The following EFCAB8 variants were observed in gnomAD, a reference collection of about 807,000 sequenced individuals.
The protein encoded by EFCAB8 is EF-hand calcium-binding domain-containing protein 8.
A neutral mutation model predicts 116.3 loss-of-function variants in EFCAB8; 100 were observed. That is an observed-to-expected ratio of 0.86 (90% confidence interval 0.73 to 1.02). The LOEUF is 1.02. Ranked by LOEUF, EFCAB8 falls within the 50% of genes least tolerant of loss-of-function variation. The pLI is 0.00. For synonymous variants in EFCAB8, 558 were observed against 567.9 expected (o/e 0.98, Z 0.25); for missense variants, 1,320 against 1,416.9 (o/e 0.93, Z 1.10).
rs1309850821 is a variant in EFCAB8, at chr20:32,876,017, C to G, written c.300C>G (p.Asp100Glu). 6.4e-7 allele frequency: 1 copy of G among 1,552,208 alleles called. No homozygotes were observed. The highest frequency in any genetic ancestry group is 1.4e-5 in the African/African-American group (1 of 73,176). Residue 100 changes from aspartate (D) to glutamate (E), a missense_variant, in exon 4 of 27, where the codon GAC becomes GAG. Asp to Glu is a conservative substitution (Grantham distance 45). Coordinates refer to ENST00000400522, the MANE Select transcript of EFCAB8 (RefSeq NM_001143967.2). ...TAAAGGAGCTGTTTTTGAAGGTGGA[C>G]TCGGACTGTGAAGGCTTTGTCACCT... Reference protein sequence around the residue: ...EMLKELFLKVDSDCEGFVTWQ... With the variant: ...EMLKELFLKVESDCEGFVTWQ...
At position 32,910,116 on chromosome 20, in the gene EFCAB8, C is replaced by T. The variant is rs757810276; in HGVS notation, c.1557+185C>T. Among the ~76,000 whole-genome samples, 26 of 152,262 alleles carry T rather than the reference C, an allele frequency of 1.7e-4. 1 individual carries two copies. Among genetic ancestry groups the T allele is most frequent in the Non-Finnish European group, 3.5e-4 (24 of 68,012 alleles). ...GAAAGCAGCTCTACAGATGGGCTGG[C>T]GTGGGATCAGCTCAGAGCTCCATCC... On this transcript the variant is annotated intron_variant, in intron 15 of 26. Transcript: ENST00000400522.
rs376892913 is a variant in EFCAB8, at chr20:32,878,697, G to A, written c.328-7G>A. ...CCCTGCCTCCCTTGTGCTTTCTTTC[G>A]AGGCAGCAAAAGTATGTGGATTACA... On this transcript the variant is annotated splice_region_variant and splice_polypyrimidine_tract_variant and intron_variant, in intron 4 of 26. Coordinates refer to ENST00000400522, the MANE Select transcript of EFCAB8 (RefSeq NM_001143967.2). 4.5e-6 allele frequency: 7 copies of A among 1,551,000 alleles called. No individual in the cohort carries two copies. Among genetic ancestry groups the A allele is most frequent in the Non-Finnish European group, 2.6e-6 (3 of 1,146,488 alleles).
At chr20:32,928,940 T>C (rs13045548) in intron 20 of EFCAB8, among the ~76,000 whole-genome samples, 37,852 of 151,482 alleles carry the variant, frequency 0.25, 5,044 homozygotes, top group Middle Eastern at 0.31. Flanking sequence ...TCAATTAAGA[T>C]GATCGTGTGG....
chr20:32,887,969 C>T (rs1182591803), intron 6 of EFCAB8, among the ~76,000 whole-genome samples: 1 of 152,180 alleles, frequency 6.6e-6, no homozygotes, highest in Non-Finnish European at 1.5e-5. Flanking sequence ...AGTCAGTCTT[C>T]CTTCCCTGAG....
intron 4 of EFCAB8, among the ~76,000 whole-genome samples, chr20:32,878,092 C>A (rs1000376664): frequency 5.3e-5 from 8 of 152,158 alleles, no homozygotes; most frequent in African/African-American, 1.7e-4. Flanking sequence ...ATGGCGAAAC[C>A]CCATCTCTAC....
At chr20:32,920,323 C>A in intron 20 of EFCAB8, 108 bp downstream of exon 20, 1 of 1,417,470 alleles carries the variant, frequency 7.1e-7, no homozygotes, top group South Asian at 1.4e-5. Flanking sequence ...CGGCCTGATT[C>A]TCCCCAGTGC....
intron 1 of EFCAB8, among the ~76,000 whole-genome samples, 164 bp downstream of exon 1, chr20:32,859,170 C>T (rs1223082015): frequency 1.3e-5 from 2 of 152,156 alleles, no homozygotes; most frequent in African/African-American, 4.8e-5. Context: ...TCGTACAAAC[C>T]ACTCGTTCCC....
At chr20:32,931,513 C>T in intron 22 of EFCAB8, 177 bp downstream of exon 22, 2 of 422,914 alleles carry the variant, frequency 4.7e-6, no homozygotes, top group South Asian at 9.8e-5. Context: ...AATCCCAGCA[C>T]TTTGGGAGGC....
rs370194344 is a variant in EFCAB8 at position 32,960,050 on chromosome 20, G to T, written c.3295-13G>T. 4 of 1,551,676 alleles carry T rather than the reference G, an allele frequency of 2.6e-6. No homozygotes were observed. The highest frequency in any genetic ancestry group is 3.5e-6 in the Non-Finnish European group (4 of 1,146,978). The stretch of plus-strand genomic sequence containing the variant: ...CAACTCGCAGCCTTCATTCTTGGGC[G>T]TGGCTCCTGCAGGTGAGCAAAGTCT... On this transcript the variant is annotated splice_polypyrimidine_tract_variant and intron_variant, in intron 25 of 26. Transcript: ENST00000400522.
intron 11 of EFCAB8, among the ~76,000 whole-genome samples, 200 bp from the exon 12 acceptor site, chr20:32,906,362 G>A (rs562677890): frequency 1.3e-5 from 2 of 152,124 alleles, no homozygotes; most frequent in African/African-American, 4.8e-5. Flanking sequence ...TGCCTGTGGT[G>A]CTGAGCCCTG....
intron 23 of EFCAB8, among the ~76,000 whole-genome samples, chr20:32,951,602 T>C (rs1988803008): frequency 6.6e-6 from 1 of 152,182 alleles, no homozygotes; most frequent in Admixed American, 6.5e-5. Flanking sequence ...GAAGAAACTT[T>C]TGCAGGTGAT....
intron 3 of EFCAB8, among the ~76,000 whole-genome samples, chr20:32,870,331 A>T (rs1439854460): frequency 6.6e-6 from 1 of 152,168 alleles, no homozygotes; most frequent in Non-Finnish European, 1.5e-5. Flanking sequence ...TATGTTTTGA[A>T]TAGGTAATAT....
chr20:32,912,116 GT>G (rs1986954106), intron 16 of EFCAB8, among the ~76,000 whole-genome samples: 2 of 152,160 alleles, frequency 1.3e-5, no homozygotes, highest in Non-Finnish European at 2.9e-5. Flanking sequence ...CCTAACTTCT[GT>G]GACACAGTCC....
rs1480825269 is a variant in EFCAB8, at chr20:32,863,775, T to TA, written c.-10-7dup. The TA allele has an allele frequency of 1.3e-6, 2 of 1,550,452 alleles. No homozygotes were observed. The highest frequency in any genetic ancestry group is 1.7e-6 in the Non-Finnish European group (2 of 1,146,626). On this transcript the variant is annotated splice_polypyrimidine_tract_variant and splice_region_variant and intron_variant, in intron 1 of 26. Coordinates refer to ENST00000400522, the MANE Select transcript of EFCAB8 (RefSeq NM_001143967.2). The stretch of plus-strand genomic sequence containing the variant: ...TGGAGTTAAGTTGACTATGATTCCC[T>TA]ATTCTAGGTCAAGGCTAATGTCTTC...
chr20:32,946,603 T>C (rs1988603786), intron 23 of EFCAB8, among the ~76,000 whole-genome samples: 1 of 152,202 alleles, frequency 6.6e-6, no homozygotes, highest in Non-Finnish European at 1.5e-5. Context: ...CTAAATATAA[T>C]ATCTAGTGTT....
At chr20:32,892,831 CTT>C (rs59567336) in intron 8 of EFCAB8, among the ~76,000 whole-genome samples, 14 of 134,098 alleles carry the variant, frequency 1.0e-4, no homozygotes, top group African/African-American at 2.8e-4. Flanking sequence ...TCCACAGCCT[CTT>C]TTTTTTTTTT....
Position 32,911,573 on chromosome 20 carries a change from G to T in EFCAB8, c.1651G>T (p.Val551Leu), listed in dbSNP as rs1209208239. The stretch of plus-strand genomic sequence containing the variant: ...GTTTGCTGTGTCTGGGGGCCAGCAC[G>T]TGGAGATGACCGCCATGGCCCTGGA... ...MEFAVSGGQH[V>L]EMTAMALDES... The change falls in exon 16 of 27, where the codon GTG becomes TTG. Residue 551 changes from valine to leucine, a missense_variant. By Grantham distance (32) the Val-to-Leu change is conservative. Transcript: ENST00000400522. 5 of 1,547,032 alleles carry T rather than the reference G, an allele frequency of 3.2e-6. No homozygotes were observed. The Admixed American group carries it at 7.9e-5, about 24-fold the overall frequency.
intron 3 of EFCAB8, among the ~76,000 whole-genome samples, chr20:32,873,830 T>A (rs1283492938): frequency 6.6e-6 from 1 of 150,996 alleles, no homozygotes; most frequent in Non-Finnish European, 1.5e-5. Flanking sequence ...AAAAATGCAG[T>A]TCACCTCTCC....
Position 32,859,014 on chromosome 20 carries a change from A to G in EFCAB8, c.-11+8A>G. Reference sequence around the variant, plus strand: ...AGATCAAATTGAGTCAGGGTGAGTGAGGGTTTTAGGTGAAAGTTGCTCTCC... The same window carrying G: ...AGATCAAATTGAGTCAGGGTGAGTGGGGGTTTTAGGTGAAAGTTGCTCTCC... On this transcript the variant is annotated splice_region_variant and intron_variant, in intron 1 of 26. Transcript: ENST00000400522. The G allele has an allele frequency of 2.1e-6, 1 of 471,130 alleles. No individual in the cohort carries two copies. Among genetic ancestry groups the G allele is most frequent in the Non-Finnish European group, 4.4e-6 (1 of 227,046 alleles). 29.2% of individuals were successfully genotyped at this position (471,130 alleles called of 1,614,324 possible).
Sources: allele counts gnomAD v4.1 joint callset (sites outside exome capture counted in the v4.1 genomes callset), GRCh38; gene constraint gnomAD v4.1.1; transcripts MANE v1.5; gene names NCBI Gene and HGNC (gene_info 2026-07-23, HGNC 2026-07-21).